Variants in PCDHGB1 observed in about 807,000 individuals in gnomAD.
PCDHGB1 encodes protocadherin gamma subfamily B, 1, also known as protocadherin gamma-B1.
In PCDHGB1, 34 loss-of-function variants were observed where a neutral mutation model predicts 56.6. The ratio of observed to expected loss-of-function variants is 0.60; its 90% CI spans 0.46 to 0.80. The LOEUF is 0.80. Ranked by LOEUF, PCDHGB1 falls within the 30% of genes least tolerant of loss-of-function variation. The pLI is 0.00. For synonymous variants in PCDHGB1, 561 were observed against 505.9 expected (o/e 1.11, Z -1.46); for missense variants, 1,278 against 1,204.6 (o/e 1.06, Z -0.90).
intron 1 of PCDHGB1, chr5:141,375,741 T>C (rs1374220780): frequency 1.9e-6 from 3 of 1,614,246 alleles, no homozygotes; most frequent in South Asian, 2.2e-5. Flanking sequence ...CTGTTTGTGC[T>C]GGACCAGAAT....
rs1596259997 is a variant in PCDHGB1, at chr5:141,509,990, A to G, written c.2558-957A>G. Among the ~76,000 whole-genome samples the G allele has an allele frequency of 2.6e-5, 4 of 152,266 alleles. No individual in the cohort carries two copies. The South Asian group carries it at 8.3e-4, about 32-fold the overall frequency. ...GGTCCTTCTAACACTTGGTTCCCTC[A>G]TCTGTAAAATGAGGGTCATACCACA... is the stretch of plus-strand genomic sequence containing the variant. On this transcript the variant is annotated intron_variant, in intron 3 of 3. Transcript: ENST00000523390.
chr5:141,432,031 C>T lies in PCDHGB1; in HGVS notation c.2410-62776C>T. The T allele has an allele frequency of 6.2e-7, 1 of 1,614,220 alleles. No individual in the cohort carries two copies. Among genetic ancestry groups the T allele is most frequent in the Non-Finnish European group, 8.5e-7 (1 of 1,180,048 alleles). ...CTAGCTACAACATCACAGTGACCGC[C>T]ACTGACCGGGGAACCCCGCCCCTAT... On this transcript the variant is annotated intron_variant, in intron 1 of 3. Coordinates refer to ENST00000523390, the MANE Select transcript of PCDHGB1 (RefSeq NM_018922.3). This position sits in a 1 kb window ranked among gnomAD's most constrained non-coding sequence, Gnocchi z 6.0.
Position 141,485,996 on chromosome 5 carries a change from G to A in PCDHGB1, c.2410-8811G>A, listed in dbSNP as rs114142606. On this transcript the variant is annotated intron_variant, in intron 1 of 3. Coordinates refer to ENST00000523390, the MANE Select transcript of PCDHGB1 (RefSeq NM_018922.3). The surrounding 1 kb of genome is among the most constrained non-coding windows in gnomAD (Gnocchi z 5.7). ...CTCAGACCCGGACCTGGGTCCCAGT[G>A]GTAACGTCACCTTTTATTTCAGTGG... The A allele has an allele frequency of 1.6e-4, 256 of 1,614,178 alleles. 1 individual carries two copies. Among genetic ancestry groups the A allele is most frequent in the Middle Eastern group, 1.5e-3 (9 of 6,062 alleles).
chr5:141,423,230 G>A (rs1223173152), intron 1 of PCDHGB1: 1 of 1,613,872 alleles, frequency 6.2e-7, no homozygotes, highest in East Asian at 2.2e-5. Flanking sequence ...GTGGCCGACA[G>A]CATCCCCGAA....
chr5:141,384,682 G>A (rs1780361260), intron 1 of PCDHGB1: 1 of 1,614,222 alleles, frequency 6.2e-7, no homozygotes, highest in African/African-American at 1.3e-5. Context: ...GGTGGCGGTG[G>A]ACAAAGATTC....
At chr5:141,389,862 C>T (rs2091950734) in intron 1 of PCDHGB1, 1 of 1,613,964 alleles carries the variant, frequency 6.2e-7, no homozygotes, top group African/African-American at 1.3e-5. Flanking sequence ...CACGTTGCAC[C>T]TGGTCTTCGC....
chr5:141,357,385 G>A, intron 1 of PCDHGB1: 1 of 1,614,228 alleles, frequency 6.2e-7, no homozygotes. Context: ...TCACGCTGAA[G>A]GCAGCAGGTT....
intron 1 of PCDHGB1, among the ~76,000 whole-genome samples, chr5:141,453,518 C>G (rs1347368114): frequency 6.6e-6 from 1 of 152,114 alleles, no homozygotes; most frequent in African/African-American, 2.4e-5. Context: ...CATTCCTCCC[C>G]TATACCTTCT....
chr5:141,371,135 C>T (rs779737022), intron 1 of PCDHGB1: 9 of 1,614,012 alleles, frequency 5.6e-6, no homozygotes, highest in Non-Finnish European at 7.6e-6. Flanking sequence ...AGGACATGTA[C>T]AGGGTCAATG....
intron 1 of PCDHGB1, among the ~76,000 whole-genome samples, chr5:141,448,871 G>A (rs1326162054): frequency 6.6e-6 from 1 of 152,148 alleles, no homozygotes; most frequent in Non-Finnish European, 1.5e-5. Flanking sequence ...CGTGAACCTG[G>A]GAGGCGGAGC....
At position 141,360,554 on chromosome 5, in the gene PCDHGB1, T is replaced by C. The variant is rs779397375; in HGVS notation, c.2409+7885T>C. ...CTATTCAAACAGACTAAGATTAATT[T>C]AAAAATTGGCGAATCCACTAAGCCA... is the stretch of plus-strand genomic sequence containing the variant. On this transcript the variant is annotated intron_variant, in intron 1 of 3. Transcript: ENST00000523390. 1.9e-6 allele frequency: 3 copies of C among 1,613,978 alleles called. No individual in the cohort carries two copies. The East Asian group carries it at 6.7e-5, about 36-fold the overall frequency.
At chr5:141,368,055 A>G (rs531662241) in intron 1 of PCDHGB1, among the ~76,000 whole-genome samples, 10 of 152,346 alleles carry the variant, frequency 6.6e-5, no homozygotes, top group Non-Finnish European at 1.0e-4. Flanking sequence ...TAATGAAAGA[A>G]CTACTATATT....
Position 141,431,335 on chromosome 5 carries a change from C to G in PCDHGB1, c.2410-63472C>G, listed in dbSNP as rs747132346. On this transcript the variant is annotated intron_variant, in intron 1 of 3. Transcript: ENST00000523390. The surrounding 1 kb of genome is among the most constrained non-coding windows in gnomAD (Gnocchi z 4.8). ...ATGGAGCCGACGGTAGTAAGTACCC[C>G]GAATTGGTGCTGAAACGCGCCCTGG... 2 of 1,614,062 alleles carry G rather than the reference C, an allele frequency of 1.2e-6. No homozygotes were observed. Among genetic ancestry groups the G allele is most frequent in the Non-Finnish European group, 1.7e-6 (2 of 1,180,022 alleles).
intron 1 of PCDHGB1, chr5:141,403,339 C>T (rs2094393588): frequency 1.2e-6 from 2 of 1,613,892 alleles, no homozygotes; most frequent in Admixed American, 1.7e-5. Context: ...TTAACGACAG[C>T]GCCCCAAAGT....
chr5:141,426,756 G>A, intron 1 of PCDHGB1: 1 of 456,302 alleles, frequency 2.2e-6, no homozygotes. Context: ...ATCTGCTATA[G>A]ATGCAGATGT....
In PCDHGB1 at chr5:141,410,693, A is replaced by AT. The variant is rs774266569; in HGVS notation, c.2409+58028dup. On this transcript the variant is annotated intron_variant, in intron 1 of 3. Coordinates refer to ENST00000523390, the MANE Select transcript of PCDHGB1 (RefSeq NM_018922.3). ...TCTCATATTTTAGGCATACTACTTT[A>AT]TTTTCATATCTAGAATCATATGTTT... The AT allele has an allele frequency of 1.1e-5, 17 of 1,496,786 alleles. No homozygotes were observed. In the Admixed American group the frequency reaches 3.7e-4, roughly 33 times the overall value. The allele number at this position is 1,496,786 out of a possible 1,614,324, so 92.7% of individuals were successfully genotyped here.
At position 141,357,417 on chromosome 5, in the gene PCDHGB1, C is replaced by A. The variant is rs777789813; in HGVS notation, c.2409+4748C>A. On this transcript the variant is annotated intron_variant, in intron 1 of 3. Coordinates refer to ENST00000523390, the MANE Select transcript of PCDHGB1 (RefSeq NM_018922.3). ...GGTTGGCAGGTGTGCCTGCCTCGCA[C>A]TTTGTGGGCGTGGACGGGGTTCGGG... 5 of 1,614,254 alleles carry A rather than the reference C, an allele frequency of 3.1e-6. No individual in the cohort carries two copies. The South Asian group carries it at 4.4e-5, about 14-fold the overall frequency.
chr5:141,408,903 A>C, intron 1 of PCDHGB1: 1 of 1,613,512 alleles, frequency 6.2e-7, no homozygotes, highest in Non-Finnish European at 8.5e-7. Context: ...TCTGTCAAGG[A>C]TACCAATGAT....
Position 141,481,556 on chromosome 5 carries a change from G to A in PCDHGB1, c.2410-13251G>A, listed in dbSNP as rs553126587. Among the ~76,000 whole-genome samples the A allele has an allele frequency of 1.2e-4, 18 of 152,266 alleles. No homozygotes were observed. The South Asian group carries it at 1.4e-3, about 12-fold the overall frequency. On this transcript the variant is annotated intron_variant, in intron 1 of 3. Coordinates refer to ENST00000523390, the MANE Select transcript of PCDHGB1 (RefSeq NM_018922.3). ...GATGGGGCTGGGCTCAGTGGCTCAC[G>A]CCTGTAATCCCAGTACTTAGGGAGG...
Sources: allele counts gnomAD v4.1 joint callset (sites outside exome capture counted in the v4.1 genomes callset), GRCh38; gene constraint gnomAD v4.1.1; non-coding constraint Gnocchi (gnomAD v3.1); transcripts MANE v1.5; gene names NCBI Gene and HGNC (gene_info 2026-07-23, HGNC 2026-07-21).